Variants in MDGA2 observed in about 807,000 individuals in gnomAD.
MDGA2 encodes MAM domain containing glycosylphosphatidylinositol anchor 2, also known as MAM domain-containing glycosylphosphatidylinositol anchor protein 2.
Under a neutral mutation model 117.8 loss-of-function variants are expected in MDGA2, and 40 were observed. The ratio of observed to expected loss-of-function variants is 0.34; its 90% CI spans 0.26 to 0.44. The LOEUF is 0.44. MDGA2 is among the 20% of genes least tolerant of loss of function. The pLI, the probability that MDGA2 is intolerant of heterozygous loss-of-function variation, is 1.00. For missense variants in MDGA2, 1,123 were observed against 1,250.6 expected (o/e 0.90, Z 1.54); for synonymous variants, 452 against 439.0 (o/e 1.03, Z -0.37).
chr14:47,604,487 A>ACCCCCCCCCCC (rs60602833), intron 1 of MDGA2, among the ~76,000 whole-genome samples: 4 of 92,052 alleles, frequency 4.3e-5, no homozygotes, highest in Non-Finnish European at 8.7e-5. Context: ...CAGCTTCCCC[A>ACCCCCCCCCCC]CCCCCCCCCA....
intron 1 of MDGA2, among the ~76,000 whole-genome samples, chr14:47,347,911 A>G (rs1890794169): frequency 6.6e-6 from 1 of 152,322 alleles, no homozygotes; most frequent in Non-Finnish European, 1.5e-5. Context: ...GAAATGTTCA[A>G]TAACATCAAG....
chr14:47,057,016 A>G (rs970127836), intron 7 of MDGA2, among the ~76,000 whole-genome samples: 1 of 152,132 alleles, frequency 6.6e-6, no homozygotes, highest in Non-Finnish European at 1.5e-5. Flanking sequence ...CAGATAAAAT[A>G]TAGCTTCAGT....
chr14:46,962,426 C>T (rs1885848681), intron 8 of MDGA2, among the ~76,000 whole-genome samples: 2 of 152,138 alleles, frequency 1.3e-5, no homozygotes, highest in East Asian at 3.9e-4. Context: ...GTTCTACCAA[C>T]AGATCCCTCC....
intron 9 of MDGA2, among the ~76,000 whole-genome samples, chr14:46,951,885 T>C (rs922886401): frequency 6.6e-6 from 1 of 151,970 alleles, no homozygotes; most frequent in Non-Finnish European, 1.5e-5. Context: ...AATGTAATTC[T>C]TTATGCAGAA....
intron 1 of MDGA2, among the ~76,000 whole-genome samples, chr14:47,521,894 A>C (rs1189395713): frequency 6.6e-6 from 1 of 151,756 alleles, no homozygotes; most frequent in Non-Finnish European, 1.5e-5. Context: ...CTGGTTTCGA[A>C]CTCCTGACCT....
intron 1 of MDGA2, among the ~76,000 whole-genome samples, chr14:47,525,737 TTTTC>T (rs1894959603): frequency 1.3e-5 from 2 of 151,878 alleles, no homozygotes; most frequent in African/African-American, 2.4e-5. Flanking sequence ...AGTTTTTTTT[TTTTC>T]TCTCTCTCTT....
intron 3 of MDGA2, among the ~76,000 whole-genome samples, chr14:47,157,386 A>G (rs1883432340): frequency 6.6e-6 from 1 of 152,140 alleles, no homozygotes; most frequent in Admixed American, 6.6e-5. Context: ...AAGTTTTTTA[A>G]AATATATGCA....
intron 6 of MDGA2, among the ~76,000 whole-genome samples, chr14:47,093,753 A>G (rs1879804411): frequency 6.6e-6 from 1 of 152,148 alleles, no homozygotes; most frequent in Non-Finnish European, 1.5e-5. Flanking sequence ...AAAAAAGTAG[A>G]ATAAAGAATT....
At chr14:47,341,418 A>G (rs1890618805) in intron 1 of MDGA2, among the ~76,000 whole-genome samples, 1 of 152,230 alleles carries the variant, frequency 6.6e-6, no homozygotes, top group African/African-American at 2.4e-5. Flanking sequence ...ATAAAGTGTA[A>G]AATGAAAACT....
intron 1 of MDGA2, among the ~76,000 whole-genome samples, chr14:47,670,172 T>C (rs1245331810): frequency 1.3e-5 from 2 of 152,190 alleles, no homozygotes; most frequent in Non-Finnish European, 2.9e-5. Context: ...ACTCAAGTGT[T>C]TCTTAAGCTT....
chr14:47,587,785 C>T (rs913133715), intron 1 of MDGA2, among the ~76,000 whole-genome samples: 5 of 151,844 alleles, frequency 3.3e-5, no homozygotes, highest in African/African-American at 9.7e-5. Context: ...TTAGTATATT[C>T]GCAGAATTCT....
intron 1 of MDGA2, among the ~76,000 whole-genome samples, chr14:47,536,694 A>G (rs1895218591): frequency 1.3e-5 from 2 of 152,182 alleles, no homozygotes; most frequent in Admixed American, 1.3e-4. Flanking sequence ...TTTTCCTTTG[A>G]GATGGAGTCT....
chr14:47,261,473 T>C (rs1034320056), intron 2 of MDGA2, among the ~76,000 whole-genome samples: 1 of 152,140 alleles, frequency 6.6e-6, no homozygotes, highest in Non-Finnish European at 1.5e-5. Flanking sequence ...GAAAGATTCA[T>C]CTGCTAAAAG....
At chr14:47,553,714 A>T (rs1322063372) in intron 1 of MDGA2, among the ~76,000 whole-genome samples, 1 of 145,348 alleles carries the variant, frequency 6.9e-6, no homozygotes, top group African/African-American at 2.5e-5. Flanking sequence ...ATATATACTT[A>T]TAAAAACAAT....
intron 2 of MDGA2, among the ~76,000 whole-genome samples, chr14:47,293,573 G>C (rs1157086212): frequency 6.6e-6 from 1 of 152,082 alleles, no homozygotes; most frequent in African/African-American, 2.4e-5. Flanking sequence ...TATTAAGTTT[G>C]TAAATAAATT....
At chr14:47,580,260 T>C (rs1594927880) in intron 1 of MDGA2, among the ~76,000 whole-genome samples, 1 of 152,024 alleles carries the variant, frequency 6.6e-6, no homozygotes, top group Non-Finnish European at 1.5e-5. Flanking sequence ...AGATTCAGTG[T>C]CTTGTGAGGG....
chr14:46,999,746 G>A (rs1039066648), intron 8 of MDGA2, among the ~76,000 whole-genome samples: 1 of 152,036 alleles, frequency 6.6e-6, no homozygotes, highest in African/African-American at 2.4e-5. Flanking sequence ...CTTTTCTCTG[G>A]ATTATCTTTG....
At chr14:47,537,573 TTAAAAAAAAAAAAAAAAAAAAAAA>T (rs1354901416) in intron 1 of MDGA2, among the ~76,000 whole-genome samples, 4 of 57,110 alleles carry the variant, frequency 7.0e-5, no homozygotes, top group African/African-American at 2.3e-4. Flanking sequence ...CTTCTCTCTG[TTAAAAAAAAAAAAAAAAAAAAAAA>T]AAAAAAAAAA....
At chr14:47,563,473 T>C (rs1566517206) in intron 1 of MDGA2, among the ~76,000 whole-genome samples, 1 of 152,120 alleles carries the variant, frequency 6.6e-6, no homozygotes, top group Non-Finnish European at 1.5e-5. Context: ...CTGTTGAATT[T>C]ATTCCTTTAC....
Sources: gnomAD v4.1 joint callset for allele counts (sites outside exome capture counted in the v4.1 genomes callset) on GRCh38, gnomAD v4.1.1 for gene constraint, MANE v1.5 for transcripts, NCBI Gene and HGNC (gene_info 2026-07-23, HGNC 2026-07-21) for gene names.